The following ABCG1 variants were observed in gnomAD, a reference collection of about 807,000 sequenced individuals.
ABCG1 encodes ATP-binding cassette sub-family G member 1.
Under a neutral mutation model 69.2 loss-of-function variants are expected in ABCG1, and 29 were observed. That is an observed-to-expected ratio of 0.42 (90% confidence interval 0.31 to 0.57). The LOEUF is 0.57. Ranked by LOEUF, ABCG1 falls within the 20% of genes least tolerant of loss-of-function variation. ABCG1 has a pLI of 0.15. For synonymous variants in ABCG1, 370 were observed against 374.8 expected, an observed-to-expected ratio of 0.99 and a Z score of 0.15; for missense variants, 718 against 898.1, an observed-to-expected ratio of 0.80 and a Z score of 2.56.
intron 1 of ABCG1, among the ~76,000 whole-genome samples, chr21:42,220,399 A>C (rs1171231397): frequency 6.6e-6 from 1 of 151,420 alleles, no homozygotes; most frequent in East Asian, 1.9e-4. Flanking sequence ...ACCGACAGTT[A>C]CCTCTTGCCT....
intron 2 of ABCG1, among the ~76,000 whole-genome samples, chr21:42,269,760 A>C (rs691687): frequency 6.6e-6 from 1 of 151,998 alleles, no homozygotes; most frequent in Non-Finnish European, 1.5e-5. Flanking sequence ...ACAGGAAGAC[A>C]GCTGGGAGCA....
chr21:42,210,667 T>C (rs1468532574), intron 2 of ABCG1, among the ~76,000 whole-genome samples: 1 of 152,222 alleles, frequency 6.6e-6, no homozygotes, highest in Non-Finnish European at 1.5e-5. Context: ...CCTGAAACCA[T>C]CTCTCATCAT....
In ABCG1 at chr21:42,296,719, A is replaced by G; in HGVS notation, c.*327A>G. 1 of 363,312 alleles carries G rather than the reference A, an allele frequency of 2.8e-6. No individual in the cohort carries two copies. Among genetic ancestry groups the G allele is most frequent in the Non-Finnish European group, 5.2e-6 (1 of 191,802 alleles). The allele number at this position is 363,312 out of a possible 1,614,324, so 22.5% of individuals were successfully genotyped here. On this transcript the variant is annotated 3_prime_UTR_variant, in exon 15 of 15. Coordinates refer to ENST00000398449, the MANE Select transcript of ABCG1 (RefSeq NM_016818.3). This position sits in a 1 kb window ranked among gnomAD's most constrained non-coding sequence, Gnocchi z 5.4. ...TGGTGATGAGAGGCTTCCTCAGTCC[A>G]GTCGCTCCTTAGCACCAGGCACCGT... is the stretch of plus-strand genomic sequence containing the variant.
At chr21:42,236,223 G>A (rs1212610061) in intron 2 of ABCG1, among the ~76,000 whole-genome samples, 1 of 152,256 alleles carries the variant, frequency 6.6e-6, no homozygotes, top group Non-Finnish European at 1.5e-5. Context: ...GCAAGGTCAC[G>A]CTTCCCGGCT....
intron 2 of ABCG1, among the ~76,000 whole-genome samples, chr21:42,240,133 T>C (rs1330478916): frequency 1.3e-5 from 2 of 152,242 alleles, no homozygotes; most frequent in African/African-American, 4.8e-5. Flanking sequence ...TGAGGGCGGC[T>C]GTAGCCTGCA....
At position 42,293,524 on chromosome 21, in the gene ABCG1, C is replaced by G. The variant is rs372995670; in HGVS notation, c.1654-1018C>G. Among the ~76,000 whole-genome samples, 804 of 144,810 alleles carry G rather than the reference C, an allele frequency of 5.6e-3. 18 individuals are homozygous for G. The highest frequency in any genetic ancestry group is 9.1e-3 in the Non-Finnish European group (595 of 65,366). On this transcript the variant is annotated intron_variant, in intron 13 of 14. Coordinates refer to ENST00000398449, the MANE Select transcript of ABCG1 (RefSeq NM_016818.3). ...ATCACACTACACACTACCCACCACA[C>G]ATACTACACACCACGCACTACACAC...
chr21:42,244,984 G>T (rs2068110302), intron 2 of ABCG1, among the ~76,000 whole-genome samples: 1 of 152,254 alleles, frequency 6.6e-6, no homozygotes, highest in Admixed American at 6.5e-5. Flanking sequence ...CACCCTCTGA[G>T]AACGACCCTC....
chr21:42,210,583 A>G (rs559491668), intron 2 of ABCG1, among the ~76,000 whole-genome samples: 9 of 152,330 alleles, frequency 5.9e-5, no homozygotes, highest in African/African-American at 2.2e-4. Flanking sequence ...GAAGAAAACA[A>G]AAGGAATTTG....
At chr21:42,278,122 G>C (rs2068742488) in intron 5 of ABCG1, among the ~76,000 whole-genome samples, 1 of 152,192 alleles carries the variant, frequency 6.6e-6, no homozygotes, top group Admixed American at 6.5e-5. Context: ...TTCTGAGATT[G>C]AAAAGAAAAT....
intron 2 of ABCG1, among the ~76,000 whole-genome samples, chr21:42,239,756 G>C (rs768001561): frequency 6.6e-6 from 1 of 152,208 alleles, no homozygotes; most frequent in African/African-American, 2.4e-5. Context: ...GCCAGCTTCC[G>C]GTTGGGGCAG....
upstream of ABCG1, among the ~76,000 whole-genome samples, chr21:42,215,030 G>C (rs967095877): frequency 6.6e-6 from 1 of 152,226 alleles, no homozygotes; most frequent in African/African-American, 2.4e-5. Flanking sequence ...GACACAGCAG[G>C]CAGGTCAGGT....
At position 42,233,347 on chromosome 21, in the gene ABCG1, G is replaced by A. The variant is rs71320515; in HGVS notation, c.286+7433G>A. 5.3e-3 allele frequency among the ~76,000 whole-genome samples: 808 copies of A among 152,266 alleles called. 3 individuals are homozygous for A. The highest frequency in any genetic ancestry group is 8.4e-3 in the Non-Finnish European group (573 of 68,020). On this transcript the variant is annotated intron_variant, in intron 2 of 14. Transcript: ENST00000398449. ...AAAAGGAGTCGTGCTGCCGTAGCCC[G>A]CCCTCCTGCCCCGTGGAGGGAGCCT...
chr21:42,245,092 G>A (rs190616035), intron 2 of ABCG1, among the ~76,000 whole-genome samples: 338 of 152,356 alleles, frequency 2.2e-3, no homozygotes, highest in Middle Eastern at 0.02. Flanking sequence ...GGAGTGAGGA[G>A]TGGTGTTTGC....
chr21:42,283,841 C>T, intron 6 of ABCG1, among the ~76,000 whole-genome samples: 1 of 62,156 alleles, frequency 1.6e-5, no homozygotes, highest in African/African-American at 6.6e-5. Context: ...GCAAAGTCCC[C>T]CCGCCCAGAT....
At chr21:42,259,007 C>T (rs900718921) in intron 2 of ABCG1, among the ~76,000 whole-genome samples, 4 of 152,228 alleles carry the variant, frequency 2.6e-5, no homozygotes, top group South Asian at 2.1e-4. Flanking sequence ...ATAGCCAGTG[C>T]TTTCCCTTGT....
At chr21:42,235,885 C>G (rs373666558) in intron 2 of ABCG1, among the ~76,000 whole-genome samples, 1 of 152,236 alleles carries the variant, frequency 6.6e-6, no homozygotes, top group Admixed American at 6.5e-5. Flanking sequence ...TTAGAGTGCC[C>G]TGGCCAAGGA....
At chr21:42,248,146 C>A (rs1198579371) in intron 2 of ABCG1, among the ~76,000 whole-genome samples, 1 of 152,218 alleles carries the variant, frequency 6.6e-6, no homozygotes, top group Non-Finnish European at 1.5e-5. Context: ...GATTAGGTTT[C>A]TTTCTGCTTA....
chr21:42,284,434 G>GGCAGCT (rs945465467), intron 6 of ABCG1, 126 bp from the exon 7 acceptor site: 7 of 1,195,302 alleles, frequency 5.9e-6, no homozygotes, highest in African/African-American at 3.1e-5. Context: ...CCTGGGACGG[G>GGCAGCT]GCAGCTGCAG....
At chr21:42,212,994 A>G (rs147001454), upstream of ABCG1, among the ~76,000 whole-genome samples, 1 of 152,302 alleles carries the variant, frequency 6.6e-6, no homozygotes, top group African/African-American at 2.4e-5. Context: ...CACCTGGCCT[A>G]AAGACAGAAT....
Sources: allele counts gnomAD v4.1 joint callset (sites outside exome capture counted in the v4.1 genomes callset), GRCh38; gene constraint gnomAD v4.1.1; non-coding constraint Gnocchi (gnomAD v3.1); transcripts MANE v1.5; gene names NCBI Gene and HGNC (gene_info 2026-07-23, HGNC 2026-07-21).